FARP1: variants seen among roughly 807,000 people sequenced by gnomAD.
FARP1 encodes FERM, ARHGEF and pleckstrin domain-containing protein 1.
In FARP1, 52 loss-of-function variants were observed where a neutral mutation model predicts 128.8. The observed-to-expected ratio is 0.40, with a 90% confidence interval of 0.32 to 0.51. The LOEUF is 0.51. Among genes scored for constraint, FARP1 ranks in the 20% least tolerant of loss-of-function variants. The probability of loss-of-function intolerance (pLI) is 0.45; values close to 1 mark genes in which losing one functional copy is unlikely to be tolerated. For synonymous variants in FARP1, 580 were observed against 551.8 expected (o/e 1.05, Z -0.72); for missense variants, 1,333 against 1,367.9 (o/e 0.97, Z 0.40).
At chr13:98,301,094 A>G (rs1482559413) in intron 2 of FARP1, among the ~76,000 whole-genome samples, 1 of 152,188 alleles carries the variant, frequency 6.6e-6, no homozygotes, top group Non-Finnish European at 1.5e-5. Flanking sequence ...AAAGAGGCCA[A>G]GGCACTGCTG....
intron 2 of FARP1, among the ~76,000 whole-genome samples, chr13:98,285,501 CATT>C (rs1885124513): frequency 6.6e-6 from 1 of 152,212 alleles, no homozygotes; most frequent in Admixed American, 6.5e-5. Context: ...GCCTGCTAGA[CATT>C]AAAACATGCT....
chr13:98,297,612 T>A (rs2139687107), intron 2 of FARP1, among the ~76,000 whole-genome samples: 1 of 152,302 alleles, frequency 6.6e-6, no homozygotes, highest in Non-Finnish European at 1.5e-5. Context: ...ATCTGCCTGA[T>A]TCTCTTTGGG....
intron 2 of FARP1, among the ~76,000 whole-genome samples, chr13:98,277,146 A>ACACACACACACACACACC (rs1230875597): frequency 7.9e-5 from 11 of 139,890 alleles, no homozygotes; most frequent in Admixed American, 1.4e-4. Context: ...ACACACACAC[A>ACACACACACACACACACC]CACCCCATAT....
chr13:98,366,241 G>A (rs982452203), intron 4 of FARP1, among the ~76,000 whole-genome samples: 2 of 152,134 alleles, frequency 1.3e-5, no homozygotes, highest in African/African-American at 2.4e-5. Context: ...ACCCCACTGG[G>A]CCACTTACAG....
At chr13:98,277,733 C>G (rs1487466787) in intron 2 of FARP1, among the ~76,000 whole-genome samples, 6 of 152,194 alleles carry the variant, frequency 3.9e-5, no homozygotes, top group Non-Finnish European at 5.9e-5. Flanking sequence ...GTTTCAGGTT[C>G]TCAAGAAACA....
In FARP1 at chr13:98,453,804, A is replaced by T. The variant is rs993434268; in HGVS notation, c.*5487A>T. The T allele has an allele frequency of 1.4e-5, 2 of 143,126 alleles. No homozygotes were observed. Among genetic ancestry groups the T allele is most frequent in the African/African-American group, 2.5e-5 (1 of 39,588 alleles). 8.9% of individuals were successfully genotyped at this position (143,126 alleles called of 1,614,324 possible). On this transcript the variant is annotated 3_prime_UTR_variant, in exon 27 of 27. Transcript: ENST00000319562. ...AAATAACAGACTAAAAATGGTAATT[A>T]TCTGTATTTACATATATATATTAAA...
At chr13:98,266,581 A>G (rs1001734974) in intron 2 of FARP1, among the ~76,000 whole-genome samples, 4 of 152,040 alleles carry the variant, frequency 2.6e-5, no homozygotes, top group Non-Finnish European at 5.9e-5. Context: ...GGTCTGAACT[A>G]CTCTTTGGAA....
At chr13:98,209,854 C>T (rs148798980) in intron 1 of FARP1, among the ~76,000 whole-genome samples, 1,982 of 140,760 alleles carry the variant, frequency 0.014, 39 homozygotes, top group African/African-American at 0.049. Context: ...TGGTGGTGCA[C>T]GCCTGTAATC....
chr13:98,280,257 A>C (rs374666760), intron 2 of FARP1, among the ~76,000 whole-genome samples: 1 of 152,064 alleles, frequency 6.6e-6, no homozygotes, highest in African/African-American at 2.4e-5. Context: ...TCCGGGATCA[A>C]TTCCCCCATG....
intron 2 of FARP1, among the ~76,000 whole-genome samples, chr13:98,316,008 G>T (rs755032319): frequency 6.6e-6 from 1 of 152,144 alleles, no homozygotes; most frequent in Non-Finnish European, 1.5e-5. Context: ...ACTGAAGTGC[G>T]GCTTATGTCA....
intron 1 of FARP1, among the ~76,000 whole-genome samples, chr13:98,181,643 TGAGA>T (rs66507306): frequency 1.6e-3 from 62 of 38,314 alleles, no homozygotes; most frequent in African/African-American, 2.2e-3. Flanking sequence ...TTTATTTATT[TGAGA>T]GAGAGAGAGA....
chr13:98,312,902 T>C (rs1305683057), intron 2 of FARP1, among the ~76,000 whole-genome samples: 5 of 152,194 alleles, frequency 3.3e-5, no homozygotes, highest in Admixed American at 2.6e-4. Flanking sequence ...ATAATTTGGC[T>C]AAAGAGGGCA....
At chr13:98,146,404 T>G (rs1418339099) in intron 1 of FARP1, among the ~76,000 whole-genome samples, 2 of 152,186 alleles carry the variant, frequency 1.3e-5, no homozygotes, top group Non-Finnish European at 2.9e-5. Flanking sequence ...AATTTTCTGT[T>G]TTTAGTAGAG....
rs1888240887 is a variant in FARP1 at position 98,347,736 on chromosome 13, T to C, written c.276+3870T>C. Among the ~76,000 whole-genome samples the C allele has an allele frequency of 2.0e-5, 3 of 152,282 alleles. No homozygotes were observed. In the South Asian group the frequency reaches 6.2e-4, roughly 32 times the overall value. On this transcript the variant is annotated intron_variant, in intron 3 of 26. Coordinates refer to ENST00000319562, the MANE Select transcript of FARP1 (RefSeq NM_005766.4). ...TCACTATTATTTTTTAATATCACCA[T>C]CGTGACTGTCACCTCTGCCAGTCTT...
At chr13:98,214,620 G>A (rs1173403443) in intron 2 of FARP1, among the ~76,000 whole-genome samples, 22 of 152,164 alleles carry the variant, frequency 1.4e-4, no homozygotes, top group African/African-American at 5.3e-4. Context: ...ATTGCTCAGA[G>A]CACATGAACT....
chr13:98,258,979 G>A (rs1468053870), intron 2 of FARP1, among the ~76,000 whole-genome samples: 1 of 152,168 alleles, frequency 6.6e-6, no homozygotes, highest in Non-Finnish European at 1.5e-5. Context: ...AGGCCAAGGC[G>A]GGAGGATCGC....
intron 2 of FARP1, among the ~76,000 whole-genome samples, chr13:98,261,383 G>A (rs1424866832): frequency 2.6e-5 from 4 of 152,050 alleles, no homozygotes; most frequent in African/African-American, 9.7e-5. Context: ...ACATCCGGGT[G>A]TCCGTTCACC....
chr13:98,164,039 A>T (rs1392582769), intron 1 of FARP1, among the ~76,000 whole-genome samples: 9 of 150,842 alleles, frequency 6.0e-5, no homozygotes, highest in African/African-American at 1.9e-4. Context: ...CTTCAAGATT[A>T]TCCTTCTTTA....
At chr13:98,224,559 A>G (rs1881639785) in intron 2 of FARP1, among the ~76,000 whole-genome samples, 1 of 133,554 alleles carries the variant, frequency 7.5e-6, no homozygotes, top group Admixed American at 8.0e-5. Context: ...AAAAAAAAAG[A>G]AAACACAAAA....
Sources: allele counts gnomAD v4.1 joint callset (sites outside exome capture counted in the v4.1 genomes callset), GRCh38; gene constraint gnomAD v4.1.1; transcripts MANE v1.5; gene names NCBI Gene and HGNC (gene_info 2026-07-23, HGNC 2026-07-21).